CEP128: variants seen among roughly 807,000 people sequenced by gnomAD.
CEP128 encodes the protein centrosomal protein 128, also known as centrosomal protein 128kDa.
CEP128 carries 132 observed loss-of-function variants against 156.7 expected under a neutral mutation model. The observed-to-expected ratio is 0.84, with a 90% CI of 0.73 to 0.97. CEP128 has a LOEUF of 0.97. Among genes scored for constraint, CEP128 ranks in the 50% least tolerant of loss-of-function variants. The probability of loss-of-function intolerance (pLI) is 0.00; values close to 1 mark genes in which losing one functional copy is unlikely to be tolerated. For synonymous variants in CEP128, 469 were observed against 448.9 expected (o/e 1.04, Z -0.57); for missense variants, 1,252 against 1,281.9 (o/e 0.98, Z 0.36).
At chr14:80,798,188 CCTT>C (rs1315550990) in intron 13 of CEP128, among the ~76,000 whole-genome samples, 3 of 152,154 alleles carry the variant, frequency 2.0e-5, no homozygotes, top group African/African-American at 4.8e-5. Context: ...TTTCAATTCT[CCTT>C]CTTTTCTCTT....
chr14:80,756,123 T>C (rs1358752121), intron 18 of CEP128, among the ~76,000 whole-genome samples: 1 of 152,146 alleles, frequency 6.6e-6, no homozygotes, highest in Non-Finnish European at 1.5e-5. Flanking sequence ...AGAAACGCAA[T>C]ATTAATGCAC....
intron 19 of CEP128, among the ~76,000 whole-genome samples, chr14:80,583,978 C>A (rs1438392998): frequency 6.6e-6 from 1 of 152,136 alleles, no homozygotes; most frequent in Non-Finnish European, 1.5e-5. Context: ...GCCACTTCTA[C>A]AGCTTTGCTC....
chr14:80,743,361 C>A, intron 18 of CEP128, 94 bp from the exon 19 acceptor site: 1 of 1,072,394 alleles, frequency 9.3e-7, no homozygotes. Context: ...ATAATTTGAA[C>A]AAATATAGAT....
chr14:80,926,886 C>T lies in CEP128; in HGVS notation c.-15-10324G>A, dbSNP rs868429320. Among the ~76,000 whole-genome samples the T allele has an allele frequency of 7.2e-5, 11 of 152,324 alleles. No individual in the cohort carries two copies. The South Asian group carries it at 2.3e-3, about 32-fold the overall frequency. On this transcript the variant is annotated intron_variant, in intron 2 of 24. Transcript: ENST00000555265. ...TGTCCACAGCCCCAGTACATTACTA[C>T]TACAGCTGGCATTTGAGAAAGCCAA...
chr14:80,749,808 G>C (rs1231711405), intron 18 of CEP128, among the ~76,000 whole-genome samples: 2 of 152,100 alleles, frequency 1.3e-5, no homozygotes, highest in Non-Finnish European at 2.9e-5. Flanking sequence ...AGTGCTTAAG[G>C]TGATAGATAT....
At chr14:80,839,682 T>C (rs1473529598) in intron 10 of CEP128, among the ~76,000 whole-genome samples, 1 of 152,180 alleles carries the variant, frequency 6.6e-6, no homozygotes, top group Non-Finnish European at 1.5e-5. Context: ...CATCTTGTTT[T>C]ACAATATCCT....
chr14:80,870,030 C>A (rs940163517), intron 8 of CEP128, among the ~76,000 whole-genome samples: 3 of 151,998 alleles, frequency 2.0e-5, no homozygotes, highest in African/African-American at 7.2e-5. Flanking sequence ...AAACCTACAA[C>A]TTACCAAGAC....
chr14:80,911,037 C>A (rs540897201), intron 4 of CEP128, among the ~76,000 whole-genome samples: 1 of 152,230 alleles, frequency 6.6e-6, no homozygotes, highest in African/African-American at 2.4e-5. Context: ...TTTGATATCT[C>A]TATTTGGAAA....
chr14:80,602,278 C>T (rs765504036), intron 19 of CEP128, among the ~76,000 whole-genome samples: 2 of 152,144 alleles, frequency 1.3e-5, no homozygotes, highest in Non-Finnish European at 2.9e-5. Context: ...TAATACCCAA[C>T]TTTCAATATA....
intron 14 of CEP128, among the ~76,000 whole-genome samples, chr14:80,484,417 C>T (rs113612536): frequency 6.6e-6 from 1 of 152,186 alleles, no homozygotes; most frequent in African/African-American, 2.4e-5. Context: ...ATCAATGTTA[C>T]CACATGGGTC....
chr14:80,524,766 T>C (rs1888902728), intron 23 of CEP128, among the ~76,000 whole-genome samples: 1 of 152,218 alleles, frequency 6.6e-6, no homozygotes, highest in Admixed American at 6.5e-5. Context: ...CTAAAATGTA[T>C]CTGTTTTAAA....
At chr14:80,691,861 A>G (rs1896731052) in intron 19 of CEP128, among the ~76,000 whole-genome samples, 1 of 152,232 alleles carries the variant, frequency 6.6e-6, no homozygotes, top group Admixed American at 6.5e-5. Context: ...CACACCTACA[A>G]ATATTTAATA....
intron 8 of CEP128, among the ~76,000 whole-genome samples, chr14:80,882,591 A>C (rs911201462): frequency 1.3e-5 from 2 of 152,218 alleles, no homozygotes; most frequent in Non-Finnish European, 2.9e-5. Flanking sequence ...AACAAAGGTA[A>C]TCAGTGTATC....
chr14:80,840,640 C>T (rs76213079), intron 10 of CEP128, 42 bp downstream of exon 10: 2 of 1,334,108 alleles, frequency 1.5e-6, no homozygotes, highest in South Asian at 1.2e-5. Context: ...CCATTGGCCC[C>T]AAACCACTTT....
chr14:80,823,292 C>T (rs753675625), intron 13 of CEP128, among the ~76,000 whole-genome samples: 5 of 152,170 alleles, frequency 3.3e-5, no homozygotes, highest in Non-Finnish European at 7.3e-5. Flanking sequence ...GGTTCCATTT[C>T]GAGATTGCGG....
chr14:80,859,523 T>C (rs952370042), intron 9 of CEP128, among the ~76,000 whole-genome samples: 1 of 151,708 alleles, frequency 6.6e-6, no homozygotes, highest in African/African-American at 2.4e-5. Flanking sequence ...ATTGTGCACA[T>C]GTACCCTAAA....
At chr14:80,779,723 C>T (rs548064609) in intron 15 of CEP128, among the ~76,000 whole-genome samples, 1 of 152,196 alleles carries the variant, frequency 6.6e-6, no homozygotes, top group Non-Finnish European at 1.5e-5. Flanking sequence ...TTTCCACCCA[C>T]CGGAAGCCTG....
intron 7 of CEP128, 77 bp downstream of exon 7, chr14:80,899,861 T>C (rs556455036): frequency 9.7e-7 from 1 of 1,033,108 alleles, no homozygotes; most frequent in Non-Finnish European, 1.5e-6. Flanking sequence ...AAAATCTAGA[T>C]AAATATGTCA....
intron 2 of CEP128, among the ~76,000 whole-genome samples, chr14:80,920,479 T>C (rs1287845271): frequency 6.6e-6 from 1 of 152,226 alleles, no homozygotes; most frequent in Middle Eastern, 3.2e-3. Context: ...TACTCTTCTT[T>C]TGTCATTAAC....
Sources: allele counts gnomAD v4.1 joint callset (sites outside exome capture counted in the v4.1 genomes callset), GRCh38; gene constraint gnomAD v4.1.1; transcripts MANE v1.5; gene names NCBI Gene and HGNC (gene_info 2026-07-23, HGNC 2026-07-21).